The following AKNA variants were observed in gnomAD, a reference collection of about 807,000 sequenced individuals.
AKNA encodes the protein microtubule organization protein AKNA.
AKNA carries 67 observed loss-of-function variants against 138.8 expected under a neutral mutation model. The ratio of observed to expected loss-of-function variants is 0.48; its 90% CI spans 0.40 to 0.59. The LOEUF (loss-of-function observed/expected upper bound fraction) is 0.59, where lower values mean the gene tolerates loss of function less well. Ranked by LOEUF, AKNA falls within the 20% of genes least tolerant of loss-of-function variation. The pLI is 0.00. For synonymous variants in AKNA, 737 were observed against 754.4 expected, an observed-to-expected ratio of 0.98 and a Z score of 0.38; for missense variants, 1,813 against 1,880.4, an observed-to-expected ratio of 0.96 and a Z score of 0.66.
Position 114,387,964 on chromosome 9 carries a change from C to A in AKNA, c.-218G>T. ...GCCCCCTGTCTCCATTGCGCCCTGG[C>A]CCACCTCCAGGCCGTTCTGCCAGCC... On this transcript the variant is annotated 5_prime_UTR_variant, in exon 1 of 22. Coordinates refer to ENST00000374088, the MANE Select transcript of AKNA (RefSeq NM_001317950.2). 1 of 435,912 alleles carries A rather than the reference C, an allele frequency of 2.3e-6. No homozygotes were observed. Among genetic ancestry groups the A allele is most frequent in the Non-Finnish European group, 4.7e-6 (1 of 213,464 alleles). The allele number at this position is 435,912 out of a possible 1,614,324, so 27.0% of individuals were successfully genotyped here.
At chr9:114,368,253 T>C in intron 5 of AKNA, 186 bp downstream of exon 5, 1 of 599,204 alleles carries the variant, frequency 1.7e-6, no homozygotes, top group Admixed American at 4.3e-5. Flanking sequence ...CAGGCTGCTG[T>C]GGATCAAAGC....
intron 15 of AKNA, 66 bp downstream of exon 15, chr9:114,350,793 C>T: frequency 6.7e-7 from 1 of 1,485,302 alleles, no homozygotes; most frequent in African/African-American, 1.4e-5. Context: ...CACCTGCTAA[C>T]ACGTCGCATC....
In AKNA at chr9:114,336,210, T is replaced by A. The variant is rs893157342; in HGVS notation, c.*844A>T. ...ATTTGCCCTCGTAACGAAAATAGAT[T>A]TTTAAATGCCTCAAATATACAAACA... On this transcript the variant is annotated 3_prime_UTR_variant, in exon 22 of 22. Transcript: ENST00000374088. 6.6e-6 allele frequency: 1 copy of A among 152,664 alleles called. No homozygotes were observed. The highest frequency in any genetic ancestry group is 1.5e-5 in the Non-Finnish European group (1 of 68,052). The allele number at this position is 152,664 out of a possible 1,614,324, so 9.5% of individuals were successfully genotyped here. A position where few individuals can be genotyped will look rare whatever the true frequency, so the allele number is the denominator to read the frequency against.
chr9:114,370,225 C>T (rs1832672353), intron 4 of AKNA, among the ~76,000 whole-genome samples: 1 of 152,216 alleles, frequency 6.6e-6, no homozygotes, highest in African/African-American at 2.4e-5. Flanking sequence ...CCCAGCCTCC[C>T]CAGATGAGAA....
chr9:114,381,050 TCA>T lies in AKNA; in HGVS notation c.274+8_274+9del, dbSNP rs745630947. On this transcript the variant is annotated splice_region_variant and intron_variant, in intron 2 of 21. Transcript: ENST00000374088. ...GGACACCACTGTAGGGGGAGGGGTG[TCA>T]GTCTCACCTTCTCCCGAAGTCTCTC... 13 of 1,520,850 alleles carry T rather than the reference TCA, an allele frequency of 8.5e-6. No homozygotes were observed. The African/African-American group carries it at 1.7e-4, about 20-fold the overall frequency. The allele number at this position is 1,520,850 out of a possible 1,614,324, so 94.2% of individuals were successfully genotyped here.
At chr9:114,383,084 G>C in intron 1 of AKNA, 1 of 455,386 alleles carries the variant, frequency 2.2e-6, no homozygotes. Flanking sequence ...ACCTGGGAGT[G>C]GTTTCGCCGC....
intron 4 of AKNA, among the ~76,000 whole-genome samples, chr9:114,368,807 G>A (rs1832561761): frequency 6.6e-6 from 1 of 152,124 alleles, no homozygotes; most frequent in Non-Finnish European, 1.5e-5. Context: ...ACAGGGTGGG[G>A]ACCCCAACAG....
At chr9:114,349,780 C>T (rs1830977605) in intron 15 of AKNA, among the ~76,000 whole-genome samples, 1 of 152,212 alleles carries the variant, frequency 6.6e-6, no homozygotes, top group East Asian at 1.9e-4. Context: ...CACCCCCTCA[C>T]ACTAGAGGAT....
Position 114,337,007 on chromosome 9 carries a change from C to T in AKNA, c.*47G>A, listed in dbSNP as rs1342498638. 3.2e-6 allele frequency: 4 copies of T among 1,237,434 alleles called. No individual in the cohort carries two copies. Among genetic ancestry groups the T allele is most frequent in the Non-Finnish European group, 4.3e-6 (4 of 933,814 alleles). The allele number at this position is 1,237,434 out of a possible 1,614,324, so 76.7% of individuals were successfully genotyped here. ...TCCAGCCCACTCCTGGCCTGGCAGGCCACCTGCCCACCCACCCACCCATCT... is the reference window on the plus strand; with the variant it reads ...TCCAGCCCACTCCTGGCCTGGCAGGTCACCTGCCCACCCACCCACCCATCT... On this transcript the variant is annotated 3_prime_UTR_variant, in exon 22 of 22. Coordinates refer to ENST00000374088, the MANE Select transcript of AKNA (RefSeq NM_001317950.2).
chr9:114,363,528 TTG>T (rs1832121651), intron 7 of AKNA, among the ~76,000 whole-genome samples: 1 of 152,224 alleles, frequency 6.6e-6, no homozygotes, highest in African/African-American at 2.4e-5. Context: ...ATGACACATT[TTG>T]TGATTGGAAA....
chr9:114,358,276 C>A, intron 11 of AKNA, 109 bp from the exon 12 acceptor site: 1 of 1,475,090 alleles, frequency 6.8e-7, no homozygotes, highest in Admixed American at 2.1e-5. Context: ...TGGAGTCAGA[C>A]ATCCCTGGCT....
In AKNA at chr9:114,343,779, G is replaced by A. The variant is rs1350358841; in HGVS notation, c.3686C>T (p.Pro1229Leu). 1 of 1,613,970 alleles carries A rather than the reference G, an allele frequency of 6.2e-7. No homozygotes were observed. Among genetic ancestry groups the A allele is most frequent in the Non-Finnish European group, 8.5e-7 (1 of 1,179,820 alleles). ...GCCATTGCCTTTTGGGACCGCCTTA[G>A]GGGACAGAACATGGTATTCGTGGCC... is the stretch of plus-strand genomic sequence containing the variant. ...YTGHEYHVLS[P>L]KAVPKGNGTV... The change falls in exon 19 of 22, where the codon CCT (proline) becomes CTT (leucine). Residue 1229 changes from proline (P) to leucine (L), a missense_variant. By Grantham distance (98) the Pro-to-Leu change is moderately conservative. Coordinates refer to ENST00000374088, the MANE Select transcript of AKNA (RefSeq NM_001317950.2).
Position 114,374,104 on chromosome 9 carries a change from G to A in AKNA, c.1405C>T (p.Leu469Phe). The change falls in exon 4 of 22, where the codon CTC becomes TTC. Residue 469 changes from leucine to phenylalanine, a missense_variant. Physicochemically the swap from Leu to Phe is conservative, Grantham distance 22 (BLOSUM62 0). Transcript: ENST00000374088. Reference protein sequence around the residue: ...EAENTIDQLRLGAKVNLFSDP... With the variant: ...EAENTIDQLRFGAKVNLFSDP... ...TCCCGGCCTGGTACCTTGGCCCCGA[G>A]GCGTAGCTGGTCAATGGTGTTCTCG... 1 of 1,556,984 alleles carries A rather than the reference G, an allele frequency of 6.4e-7. No individual in the cohort carries two copies.
At chr9:114,361,625 T>G (rs1289257048) in intron 9 of AKNA, 79 bp downstream of exon 9, 2 of 1,483,246 alleles carry the variant, frequency 1.3e-6, no homozygotes, top group Non-Finnish European at 1.9e-6. Flanking sequence ...CATAAATATG[T>G]AATACGTATT....
At chr9:114,368,687 T>C (rs1832555630) in intron 4 of AKNA, 92 bp from the exon 5 acceptor site, 1 of 1,080,176 alleles carries the variant, frequency 9.3e-7, no homozygotes, top group Non-Finnish European at 1.2e-6. Context: ...TCAACACACA[T>C]GCCCTGTAGT....
At chr9:114,378,655 T>C (rs561425429) in intron 2 of AKNA, among the ~76,000 whole-genome samples, 15 of 152,262 alleles carry the variant, frequency 9.9e-5, no homozygotes, top group Non-Finnish European at 1.9e-4. Context: ...AATTATTACA[T>C]AGTGGGTACT....
chr9:114,345,666 T>TGAAC, intron 18 of AKNA, 197 bp downstream of exon 18: 1 of 546,540 alleles, frequency 1.8e-6, no homozygotes, highest in Non-Finnish European at 3.2e-6. Context: ...GTTTGCTGAA[T>TGAAC]GAATGAATGA....
At chr9:114,359,538 T>C (rs1831766328) in intron 11 of AKNA, 56 bp downstream of exon 11, 1 of 1,613,106 alleles carries the variant, frequency 6.2e-7, no homozygotes, top group Non-Finnish European at 8.5e-7. Flanking sequence ...ACAGTGATCA[T>C]CCCTGTGGTT....
chr9:114,349,084 G>A lies in AKNA; in HGVS notation c.3222-1184C>T, dbSNP rs80100899. Reference sequence around the variant, plus strand: ...GCTGGTGTTTCTGAGGCAAAGCCACGAGGGCAAGTGTGGGCGGTGGCTACT... The same window carrying A: ...GCTGGTGTTTCTGAGGCAAAGCCACAAGGGCAAGTGTGGGCGGTGGCTACT... On this transcript the variant is annotated intron_variant, in intron 15 of 21. Transcript: ENST00000374088. 2,824 of 414,478 alleles carry A rather than the reference G, an allele frequency of 6.8e-3. 62 individuals carry two copies. The highest frequency in any genetic ancestry group is 0.052 in the African/African-American group (2,537 of 48,950). The allele number at this position is 414,478 out of a possible 1,614,324, so 25.7% of individuals were successfully genotyped here.
Sources: gnomAD v4.1 joint callset for allele counts (sites outside exome capture counted in the v4.1 genomes callset) on GRCh38, gnomAD v4.1.1 for gene constraint, MANE v1.5 for transcripts, NCBI Gene and HGNC (gene_info 2026-07-23, HGNC 2026-07-21) for gene names.